The following CDK5RAP2 variants were observed in gnomAD, a reference collection of about 807,000 sequenced individuals.
The protein encoded by CDK5RAP2 is CDK5 regulatory subunit associated protein 2.
A neutral mutation model predicts 232.9 loss-of-function variants in CDK5RAP2; 147 were observed. That is an observed-to-expected ratio of 0.63 (90% CI 0.55 to 0.72). CDK5RAP2 has a LOEUF of 0.72. Ranked by LOEUF, CDK5RAP2 falls within the 30% of genes least tolerant of loss-of-function variation. The pLI is 0.00. For missense variants in CDK5RAP2, 2,195 were observed against 2,231.5 expected (o/e 0.98, Z 0.33); for synonymous variants, 833 against 833.7 (o/e 1.00, Z 0.01).
intron 11 of CDK5RAP2, among the ~76,000 whole-genome samples, chr9:120,520,090 A>C (rs2040547079): frequency 1.3e-5 from 2 of 152,240 alleles, no homozygotes; most frequent in South Asian, 4.1e-4. Context: ...GTGAAATGGG[A>C]AGTAATGGCC....
At chr9:120,399,623 T>C (rs2032821941) in intron 35 of CDK5RAP2, among the ~76,000 whole-genome samples, 1 of 152,156 alleles carries the variant, frequency 6.6e-6, no homozygotes, top group Admixed American at 6.5e-5. Flanking sequence ...AGTCAGGCCA[T>C]CTGTGTCACC....
intron 3 of CDK5RAP2, among the ~76,000 whole-genome samples, chr9:120,565,938 C>G (rs566946437): frequency 6.6e-6 from 1 of 152,192 alleles, no homozygotes; most frequent in Non-Finnish European, 1.5e-5. Context: ...GGCAGAGAGC[C>G]TGGCACAGTG....
rs113418157 is a variant in CDK5RAP2, at chr9:120,508,522, C to T, written c.1311+9905G>A. Among the ~76,000 whole-genome samples the T allele has an allele frequency of 3.7e-3, 570 of 152,354 alleles. 4 individuals carry two copies. The highest frequency in any genetic ancestry group is 0.012 in the African/African-American group (509 of 41,582). ...GCCTCACCTAACAGTATGGTGCTAG[C>T]TGTGATGACTGCACAAGTTCTGAGC... On this transcript the variant is annotated intron_variant, in intron 12 of 37. Coordinates refer to ENST00000349780, the MANE Select transcript of CDK5RAP2 (RefSeq NM_018249.6).
At chr9:120,425,523 G>C (rs566211500) in intron 25 of CDK5RAP2, among the ~76,000 whole-genome samples, 1 of 152,292 alleles carries the variant, frequency 6.6e-6, no homozygotes, top group East Asian at 1.9e-4. Context: ...AAAACATCTA[G>C]TTATCCCATC....
chr9:120,510,581 A>C (rs2040032516), intron 12 of CDK5RAP2, among the ~76,000 whole-genome samples: 1 of 152,192 alleles, frequency 6.6e-6, no homozygotes, highest in Non-Finnish European at 1.5e-5. Context: ...GTGCACACTC[A>C]CACACACTAA....
At position 120,448,083 on chromosome 9, in the gene CDK5RAP2, C is replaced by T. The variant is rs772110733; in HGVS notation, c.2837G>A (p.Arg946Gln). 49 of 1,613,996 alleles carry T rather than the reference C, an allele frequency of 3.0e-5. No individual in the cohort carries two copies. The Admixed American group carries it at 5.3e-4, about 18-fold the overall frequency. ...GAGACGATACATATTTCCTAATGAC[C>T]GGGATGGTTTTATTAGGATTGGCAA... ...SRLPILIKPS[R>Q]SLGNMYRLPA... The change falls in exon 22 of 38, where the codon CGG becomes CAG. Residue 946 changes from arginine to glutamine, a missense_variant. Coordinates refer to ENST00000349780, the MANE Select transcript of CDK5RAP2 (RefSeq NM_018249.6).
chr9:120,539,920 C>A (rs966340169), intron 5 of CDK5RAP2, among the ~76,000 whole-genome samples: 1 of 152,184 alleles, frequency 6.6e-6, no homozygotes, highest in Non-Finnish European at 1.5e-5. Flanking sequence ...TGCAAAGGAG[C>A]AGTATGCAAC....
chr9:120,446,612 A>G lies in CDK5RAP2; in HGVS notation c.3025+1283T>C, dbSNP rs180817981. Among the ~76,000 whole-genome samples the G allele has an allele frequency of 1.1e-4, 16 of 152,288 alleles. No individual in the cohort carries two copies. The East Asian group carries it at 2.5e-3, about 24-fold the overall frequency. ...AGTTTCCAATCTTACCAAGTAAAAG[A>G]GTCCTAGAATGGCCTTTGAGAGCCT... On this transcript the variant is annotated intron_variant, in intron 22 of 37. Transcript: ENST00000349780.
chr9:120,399,418 C>T (rs1169793321), intron 35 of CDK5RAP2, among the ~76,000 whole-genome samples: 1 of 152,180 alleles, frequency 6.6e-6, no homozygotes, highest in Non-Finnish European at 1.5e-5. Context: ...AGACACCATC[C>T]TCTGAAGGAA....
At chr9:120,427,678 C>A (rs951655450) in intron 25 of CDK5RAP2, among the ~76,000 whole-genome samples, 1 of 152,194 alleles carries the variant, frequency 6.6e-6, no homozygotes, top group Admixed American at 6.5e-5. Flanking sequence ...GGCAGAATTT[C>A]TCTAATTTCT....
In CDK5RAP2 at chr9:120,439,924, T is replaced by C; in HGVS notation, c.3197A>G (p.Lys1066Arg). The change falls in exon 24 of 38, where the codon AAA becomes AGA. Residue 1066 changes from lysine (K) to arginine (R), a missense_variant. Transcript: ENST00000349780. ...GCTCAGAACATCTTCAGGATTTTCTTTGCATGATGGCAAGCTGGCAAGGTC... is the reference window on the plus strand; with the variant it reads ...GCTCAGAACATCTTCAGGATTTTCTCTGCATGATGGCAAGCTGGCAAGGTC... ...PDDLASLPSC[K>R]ENPEDVLSPT... 1 of 1,614,198 alleles carries C rather than the reference T, an allele frequency of 6.2e-7. No homozygotes were observed. The highest frequency in any genetic ancestry group is 8.5e-7 in the Non-Finnish European group (1 of 1,180,022).
intron 36 of CDK5RAP2, among the ~76,000 whole-genome samples, chr9:120,393,770 C>T (rs1429024984): frequency 1.3e-5 from 2 of 152,226 alleles, no homozygotes. Flanking sequence ...GTTACTTAAC[C>T]TCACCAACCC....
chr9:120,498,752 G>A (rs1298774883), intron 12 of CDK5RAP2, among the ~76,000 whole-genome samples: 1 of 151,764 alleles, frequency 6.6e-6, no homozygotes, highest in Non-Finnish European at 1.5e-5. Context: ...CGGGTGTGGT[G>A]ACTCACGCCT....
chr9:120,558,095 C>T (rs1190271848), intron 3 of CDK5RAP2, among the ~76,000 whole-genome samples: 1 of 138,490 alleles, frequency 7.2e-6, no homozygotes, highest in Non-Finnish European at 1.6e-5. Context: ...AATTTTTAGG[C>T]TGGGCACGGT....
chr9:120,424,213 A>G (rs1332750299), intron 25 of CDK5RAP2, among the ~76,000 whole-genome samples: 1 of 152,236 alleles, frequency 6.6e-6, no homozygotes, highest in Non-Finnish European at 1.5e-5. Flanking sequence ...ACTTTACTAC[A>G]TTTTATAGTT....
chr9:120,579,201 C>T (rs1171996121), intron 1 of CDK5RAP2, among the ~76,000 whole-genome samples: 1 of 152,194 alleles, frequency 6.6e-6, no homozygotes, highest in African/African-American at 2.4e-5. Flanking sequence ...CCTTTGATGA[C>T]AGTAGTAATA....
In CDK5RAP2 at chr9:120,470,109, AC is replaced by A; in HGVS notation, c.1968+1del. On this transcript the variant is annotated splice_donor_variant, in intron 17 of 37. Transcript: ENST00000349780. LOFTEE classifies it high-confidence loss of function. Reference sequence around the variant, plus strand: ...AAGCACTAAAAATTAATAGGTCAATACCTTTTTCTTAAGTTCTTCTTGAGAA... The same window carrying A: ...AAGCACTAAAAATTAATAGGTCAATACTTTTTCTTAAGTTCTTCTTGAGAA... 2 of 1,430,402 alleles carry A rather than the reference AC, an allele frequency of 1.4e-6. No homozygotes were observed. Among genetic ancestry groups the A allele is most frequent in the Non-Finnish European group, 2.0e-6 (2 of 1,017,882 alleles). The allele number at this position is 1,430,402 out of a possible 1,614,324, so 88.6% of individuals were successfully genotyped here.
rs373227606 is a variant in CDK5RAP2 at position 120,471,805 on chromosome 9, A to G, written c.1801T>C (p.Tyr601His). 2.5e-6 allele frequency: 4 copies of G among 1,613,826 alleles called. No individual in the cohort carries two copies. In the African/African-American group the frequency reaches 4.0e-5, roughly 16 times the overall value. The part of the protein sequence containing the change: ...RKQLEQDVLS[Y>H]QNLRKTLEEQ... ...TCCAAGGTCTTCCGCAAATTCTGAT[A>G]TGAAAGCACATCCTGCTCCAGTTGC... is the stretch of plus-strand genomic sequence containing the variant. The change falls in exon 16 of 38, where the codon TAT (tyrosine) becomes CAT (histidine). Residue 601 changes from tyrosine (Y) to histidine (H), a missense_variant. By Grantham distance (83) the Tyr-to-His change is moderately conservative. Coordinates refer to ENST00000349780, the MANE Select transcript of CDK5RAP2 (RefSeq NM_018249.6).
chr9:120,485,631 A>C (rs1016700313), intron 14 of CDK5RAP2, among the ~76,000 whole-genome samples: 1 of 152,220 alleles, frequency 6.6e-6, no homozygotes, highest in African/African-American at 2.4e-5. Flanking sequence ...AACTAACTTA[A>C]TATATTCAAA....
Sources: gnomAD v4.1 joint callset for allele counts (sites outside exome capture counted in the v4.1 genomes callset) on GRCh38, gnomAD v4.1.1 for gene constraint, MANE v1.5 for transcripts, NCBI Gene and HGNC (gene_info 2026-07-23, HGNC 2026-07-21) for gene names.